PDS5A: variants seen among roughly 807,000 people sequenced by gnomAD.
The protein encoded by PDS5A is sister chromatid cohesion protein PDS5 homolog A.
A neutral mutation model predicts 167.1 loss-of-function variants in PDS5A; 42 were observed. That is an observed-to-expected ratio of 0.25 (90% CI 0.20 to 0.33). PDS5A has a LOEUF of 0.33. Ranked by LOEUF, PDS5A falls within the 10% of genes least tolerant of loss-of-function variation. PDS5A has a pLI of 1.00. For missense variants in PDS5A, 1,033 were observed against 1,605.9 expected (o/e 0.64, Z 6.10); for synonymous variants, 553 against 554.6 (o/e 1.00, Z 0.04).
chr4:39,911,737 CAGG>C (rs1446313871), intron 9 of PDS5A, among the ~76,000 whole-genome samples: 3 of 150,562 alleles, frequency 2.0e-5, no homozygotes, highest in Non-Finnish European at 4.4e-5. Flanking sequence ...GAGGCTGAGG[CAGG>C]AGAATGGCAT....
At chr4:39,945,903 T>G (rs1727708463) in intron 2 of PDS5A, among the ~76,000 whole-genome samples, 1 of 151,684 alleles carries the variant, frequency 6.6e-6, no homozygotes, top group Non-Finnish European at 1.5e-5. Flanking sequence ...GATTAAGAGT[T>G]GAAAGAAAAA....
At chr4:39,895,863 G>A (rs1424261059) in intron 16 of PDS5A, among the ~76,000 whole-genome samples, 18 of 150,590 alleles carry the variant, frequency 1.2e-4, no homozygotes, top group East Asian at 3.9e-4. Flanking sequence ...GACTACAGGC[G>A]CCCGCCACCA....
At chr4:39,954,180 A>AG (rs1245204961) in intron 2 of PDS5A, among the ~76,000 whole-genome samples, 1 of 134,656 alleles carries the variant, frequency 7.4e-6, no homozygotes, top group African/African-American at 2.6e-5. Flanking sequence ...ATCTCTACGG[A>AG]GAAAAAAAAA....
At position 39,973,095 on chromosome 4, in the gene PDS5A, G is replaced by T; in HGVS notation, c.138+3345C>A. The T allele has an allele frequency of 1.1e-5, 8 of 749,254 alleles. No individual in the cohort carries two copies. In the South Asian group the frequency reaches 1.2e-4, roughly 11 times the overall value. 46.4% of individuals were successfully genotyped at this position (749,254 alleles called of 1,614,324 possible). On this transcript the variant is annotated intron_variant, in intron 2 of 32. Coordinates refer to ENST00000303538, the MANE Select transcript of PDS5A (RefSeq NM_001100399.2). ...TGTTTAGATATTTTTCTTTGGTGAA[G>T]CACAAGTTTCTTTTCGTGGTCTCTG...
rs1009707649 is a variant in PDS5A at position 39,823,139 on chromosome 4, TAA to T, written c.*2344_*2345del. On this transcript the variant is annotated 3_prime_UTR_variant, in exon 33 of 33. Coordinates refer to ENST00000303538, the MANE Select transcript of PDS5A (RefSeq NM_001100399.2). ...AAGGGTTAACATTAATTCTCAAATATAAGTCTGCACTTTTGTGTTGTAGTTCT... is the reference window on the plus strand; with the variant it reads ...AAGGGTTAACATTAATTCTCAAATATGTCTGCACTTTTGTGTTGTAGTTCT... 2.0e-5 allele frequency: 3 copies of T among 152,634 alleles called. No homozygotes were observed. Among genetic ancestry groups the T allele is most frequent in the Non-Finnish European group, 4.4e-5 (3 of 68,040 alleles). The allele number at this position is 152,634 out of a possible 1,614,324, so 9.5% of individuals were successfully genotyped here.
chr4:39,917,468 A>C (rs758670054), intron 7 of PDS5A, among the ~76,000 whole-genome samples: 1 of 152,220 alleles, frequency 6.6e-6, no homozygotes, highest in Non-Finnish European at 1.5e-5. Context: ...ATTTCTAGGA[A>C]TCTTTGTTTT....
chr4:39,917,489 A>AT (rs1724498028), intron 7 of PDS5A, among the ~76,000 whole-genome samples: 2 of 152,198 alleles, frequency 1.3e-5, no homozygotes, highest in Non-Finnish European at 2.9e-5. Flanking sequence ...CATTAAAACA[A>AT]TTTAGACAGT....
At chr4:39,935,617 G>A (rs1368772245) in intron 2 of PDS5A, among the ~76,000 whole-genome samples, 1 of 152,072 alleles carries the variant, frequency 6.6e-6, no homozygotes, top group Non-Finnish European at 1.5e-5. Context: ...GGACTCTGTT[G>A]TGTTCCTATT....
chr4:39,868,811 T>C, intron 22 of PDS5A: 1 of 401,998 alleles, frequency 2.5e-6, no homozygotes, highest in East Asian at 7.4e-5. Flanking sequence ...AATGAATTGA[T>C]AGAATATATG....
At chr4:39,952,821 C>CGGGT (rs1483460044) in intron 2 of PDS5A, among the ~76,000 whole-genome samples, 2 of 151,602 alleles carry the variant, frequency 1.3e-5, no homozygotes, top group African/African-American at 4.8e-5. Flanking sequence ...CTCTGCCTCC[C>CGGGT]GGGTTCAAAT....
chr4:39,825,307 CAG>C lies in PDS5A; in HGVS notation c.*176_*177del. 1 of 458,594 alleles carries C rather than the reference CAG, an allele frequency of 2.2e-6. No individual in the cohort carries two copies. The highest frequency in any genetic ancestry group is 3.9e-6 in the Non-Finnish European group (1 of 258,066). 28.4% of individuals were successfully genotyped at this position (458,594 alleles called of 1,614,324 possible). The stretch of plus-strand genomic sequence containing the variant: ...AAGAGTTTCTGCTGTACATTTCCAT[CAG>C]AGGACTTGTGGTCATGTGAAAAGGA... On this transcript the variant is annotated 3_prime_UTR_variant, in exon 33 of 33. Coordinates refer to ENST00000303538, the MANE Select transcript of PDS5A (RefSeq NM_001100399.2).
Position 39,939,091 on chromosome 4 carries a change from T to C in PDS5A, c.139-10927A>G, listed in dbSNP as rs957991745. Among the ~76,000 whole-genome samples the C allele has an allele frequency of 6.6e-5, 10 of 152,022 alleles. No homozygotes were observed. In the East Asian group the frequency reaches 1.9e-3, roughly 30 times the overall value. On this transcript the variant is annotated intron_variant, in intron 2 of 32. Coordinates refer to ENST00000303538, the MANE Select transcript of PDS5A (RefSeq NM_001100399.2). ...AGTAAAACTAGAAAAAAGCCAGTCA[T>C]GTTGGCCAATACCTGTAGTCCCAGC...
At chr4:39,875,066 T>C (rs762176933) in intron 19 of PDS5A, among the ~76,000 whole-genome samples, 4 of 152,196 alleles carry the variant, frequency 2.6e-5, no homozygotes, top group Non-Finnish European at 5.9e-5. Flanking sequence ...ATGACGAAGC[T>C]AGGAAACTGG....
chr4:39,902,524 T>TG lies in PDS5A; in HGVS notation c.1386-65_1386-64insC. ...AATTATTCCATTTTTAAGAAGCAATTTTTTTTTTTTTTTTTGGAGACAGGG... is the reference window on the plus strand; with the variant it reads ...AATTATTCCATTTTTAAGAAGCAATTGTTTTTTTTTTTTTTTGGAGACAGGG... On this transcript the variant is annotated intron_variant, in intron 12 of 32. Transcript: ENST00000303538. 8 of 397,168 alleles carry TG rather than the reference T, an allele frequency of 2.0e-5. No individual in the cohort carries two copies. The East Asian group carries it at 4.5e-4, about 22-fold the overall frequency. 24.6% of individuals were successfully genotyped at this position (397,168 alleles called of 1,614,324 possible). A position where few individuals can be genotyped will look rare whatever the true frequency, so the allele number is the denominator to read the frequency against.
At chr4:39,858,467 C>A (rs1320231027) in intron 26 of PDS5A, among the ~76,000 whole-genome samples, 3 of 152,140 alleles carry the variant, frequency 2.0e-5, no homozygotes, top group Admixed American at 2.0e-4. Flanking sequence ...GGGGAAAGAA[C>A]AGTCTCTTCA....
chr4:39,930,384 T>G (rs1221060817), intron 2 of PDS5A, among the ~76,000 whole-genome samples: 1 of 151,154 alleles, frequency 6.6e-6, no homozygotes, highest in East Asian at 2.0e-4. Flanking sequence ...TAAGCCACCA[T>G]GCCTGGGCTA....
chr4:39,976,448 G>T lies in PDS5A; in HGVS notation c.130C>A (p.Arg44Ser), dbSNP rs759664267. The T allele has an allele frequency of 7.4e-6, 12 of 1,612,314 alleles. No homozygotes were observed. Among genetic ancestry groups the T allele is most frequent in the Non-Finnish European group, 1.0e-5 (12 of 1,178,698 alleles). Residue 44 changes from arginine to serine, a missense_variant, in exon 2 of 33, where the codon CGC (arginine) becomes AGC (serine). Around this residue, in one of 4 missense-constraint regions of PDS5A, gnomAD observed 388 missense variants for 615.1 expected, o/e 0.63. Transcript: ENST00000303538. ...TCCGTCCAGACACTTACCTTCAGGC[G>T]TTTGATCATCTCGTCCGTGGTGATC... ...DKITTDEMIK[R>S]LKMVVKTFMD... is the part of the protein sequence containing the mutation.
intron 12 of PDS5A, among the ~76,000 whole-genome samples, chr4:39,902,944 C>T (rs1468698568): frequency 6.6e-6 from 1 of 152,164 alleles, no homozygotes; most frequent in Non-Finnish European, 1.5e-5. Context: ...GCTTTCAGTA[C>T]AGTTTAACTT....
chr4:39,910,154 C>T lies in PDS5A; in HGVS notation c.1087+90G>A, dbSNP rs536231527. The T allele has an allele frequency of 1.8e-4, 119 of 645,804 alleles. No individual in the cohort carries two copies. The East Asian group carries it at 3.2e-3, about 18-fold the overall frequency. The allele number at this position is 645,804 out of a possible 1,614,324, so 40.0% of individuals were successfully genotyped here. ...ACACGAGACCATACCAGAGTTAAAA[C>T]CTACTTGGAAAGTGAAGTTAGGTCA... On this transcript the variant is annotated intron_variant, in intron 10 of 32. Coordinates refer to ENST00000303538, the MANE Select transcript of PDS5A (RefSeq NM_001100399.2).
Sources: allele counts gnomAD v4.1 joint callset (sites outside exome capture counted in the v4.1 genomes callset), GRCh38; gene constraint gnomAD v4.1.1; regional missense constraint gnomAD v4.1.1; transcripts MANE v1.5; gene names NCBI Gene and HGNC (gene_info 2026-07-23, HGNC 2026-07-21).